NKX3-2: variants seen among roughly 807,000 people sequenced by gnomAD.
NKX3-2 encodes the protein homeobox protein Nkx-3.2.
A neutral mutation model predicts 19.4 loss-of-function variants in NKX3-2; 13 were observed. The observed-to-expected ratio is 0.67, with a 90% CI of 0.44 to 1.07. The LOEUF (loss-of-function observed/expected upper bound fraction) is 1.07. NKX3-2 is among the 50% of genes least tolerant of loss of function. The pLI, the probability that NKX3-2 is intolerant of heterozygous loss-of-function variation, is 0.00. For missense variants in NKX3-2, 562 were observed against 488.2 expected (o/e 1.15, Z -1.42); for synonymous variants, 269 against 230.5 (o/e 1.17, Z -1.51).
chr4:13,546,192 C>T (rs1318348090), upstream of NKX3-2: 2 of 152,236 alleles, frequency 1.3e-5, no homozygotes, highest in Non-Finnish European at 2.9e-5. Flanking sequence ...TTTTTCTGCA[C>T]CGCAGAAGGA....
In NKX3-2 at chr4:13,543,365, C is replaced by T. The variant is rs1424160000; in HGVS notation, c.466+584G>A. On this transcript the variant is annotated intron_variant, in intron 1 of 1. Transcript: ENST00000382438. This position sits in a 1 kb window ranked among gnomAD's most constrained non-coding sequence, Gnocchi z 7.1. ...TCCAGGATGAACTAAAGACCCAATC[C>T]GGGATCTTCGGCCTAGGGCTGCTCT... 6.6e-6 allele frequency among the ~76,000 whole-genome samples: 1 copy of T among 152,158 alleles called. No individual in the cohort carries two copies. Among genetic ancestry groups the T allele is most frequent in the Non-Finnish European group, 1.5e-5 (1 of 68,034 alleles).
upstream of NKX3-2, among the ~76,000 whole-genome samples, chr4:13,545,440 G>T (rs1718112122): frequency 6.6e-6 from 1 of 152,220 alleles, no homozygotes. Context: ...TAAACACGAA[G>T]AACAAAATGC....
rs1165080654 is a variant in NKX3-2 at position 13,544,296 on chromosome 4, G to A, written c.119C>T (p.Ala40Val). 3 of 1,538,492 alleles carry A rather than the reference G, an allele frequency of 1.9e-6. No homozygotes were observed. Among genetic ancestry groups the A allele is most frequent in the Admixed American group, 2.0e-5 (1 of 49,756 alleles). ...PEGRPAPGGT[A>V]ASVAAAPAVC... is the part of the protein sequence containing the mutation. ...AGCGGGAGCCGCGGCCACCGATGCC[G>A]CTGTGCCCCCGGGCGCCGGGCGCCC... The change falls in exon 1 of 2, where the codon GCG becomes GTG. Residue 40 changes from alanine to valine, a missense_variant. Transcript: ENST00000382438.
chr4:13,546,967 C>T (rs1201332910), upstream of NKX3-2: 3 of 456,128 alleles, frequency 6.6e-6, no homozygotes, highest in Non-Finnish European at 1.3e-5. Flanking sequence ...CTTCCGGAGG[C>T]GCACAGCAAG....
At position 13,542,650 on chromosome 4, in the gene NKX3-2, G is replaced by T; in HGVS notation, c.467-122C>A. On this transcript the variant is annotated intron_variant, in intron 1 of 1. Coordinates refer to ENST00000382438, the MANE Select transcript of NKX3-2 (RefSeq NM_001189.4). The surrounding 1 kb of genome is among the most constrained non-coding windows in gnomAD (Gnocchi z 6.4). ...AATACACTTTGATCCCACTCAAGCG[G>T]AGCGGAGGTCTGGGAGGCCCTGGGC... 7.5e-7 allele frequency: 1 copy of T among 1,340,888 alleles called. No homozygotes were observed. The highest frequency in any genetic ancestry group is 1.0e-6 in the Non-Finnish European group (1 of 957,594). The allele number at this position is 1,340,888 out of a possible 1,614,324, so 83.1% of individuals were successfully genotyped here.
At chr4:13,545,770 C>T (rs9993564), upstream of NKX3-2, among the ~76,000 whole-genome samples, 4,462 of 151,428 alleles carry the variant, frequency 0.029, 94 homozygotes, top group African/African-American at 0.055. Flanking sequence ...TTTTAAATAT[C>T]TCTTACTTGT....
upstream of NKX3-2, chr4:13,546,809 T>G (rs895699770): frequency 4.2e-5 from 17 of 405,986 alleles, no homozygotes; most frequent in African/African-American, 3.3e-4. Context: ...ATTCGATGTT[T>G]AAAAAGAATC....
chr4:13,542,309 C>A lies in NKX3-2; in HGVS notation c.686G>T (p.Arg229Leu). Reference protein sequence around the residue: ...FELERRFNHQRYLSGPERADL... With the variant: ...FELERRFNHQLYLSGPERADL... ...TGCGCGCTCGGGCCCGGACAGGTAG[C>A]GCTGGTGGTTAAAGCGGCGCTCCAG... The change falls in exon 2 of 2, where the codon CGC becomes CTC. Residue 229 changes from arginine to leucine, a missense_variant. Physicochemically the swap from Arg to Leu is moderately radical, Grantham distance 102. Transcript: ENST00000382438. This position sits in a 1 kb window ranked among gnomAD's most constrained non-coding sequence, Gnocchi z 6.4. 6.2e-7 allele frequency: 1 copy of A among 1,601,918 alleles called. No homozygotes were observed. Among genetic ancestry groups the A allele is most frequent in the Non-Finnish European group, 8.5e-7 (1 of 1,175,528 alleles).
chr4:13,543,806 C>T lies in NKX3-2; in HGVS notation c.466+143G>A. 2.7e-6 allele frequency: 2 copies of T among 753,872 alleles called. No homozygotes were observed. Among genetic ancestry groups the T allele is most frequent in the African/African-American group, 1.9e-5 (1 of 53,854 alleles). 46.7% of individuals were successfully genotyped at this position (753,872 alleles called of 1,614,324 possible). A position where few individuals can be genotyped will look rare whatever the true frequency, so the allele number is the denominator to read the frequency against. On this transcript the variant is annotated intron_variant, in intron 1 of 1. Coordinates refer to ENST00000382438, the MANE Select transcript of NKX3-2 (RefSeq NM_001189.4). This position sits in a 1 kb window ranked among gnomAD's most constrained non-coding sequence, Gnocchi z 7.1. Reference sequence around the variant, plus strand: ...GTTCCCGAAGTGATAGAGCAGCTCGCGCCAGAGCGCAGAACTTCGGGATTT... The same window carrying T: ...GTTCCCGAAGTGATAGAGCAGCTCGTGCCAGAGCGCAGAACTTCGGGATTT...
At position 13,544,302 on chromosome 4, in the gene NKX3-2, C is replaced by A; in HGVS notation, c.113G>T (p.Gly38Val). 6.5e-7 allele frequency: 1 copy of A among 1,532,026 alleles called. No individual in the cohort carries two copies. Among genetic ancestry groups the A allele is most frequent in the Non-Finnish European group, 8.7e-7 (1 of 1,147,204 alleles). 94.9% of individuals were successfully genotyped at this position (1,532,026 alleles called of 1,614,324 possible). ...AAPEGRPAPG[G>V]TAASVAAAPA... ...AGCCGCGGCCACCGATGCCGCTGTG[C>A]CCCCGGGCGCCGGGCGCCCCTCTGG... Residue 38 changes from glycine to valine, a missense_variant, in exon 1 of 2, where the codon GGC becomes GTC. By Grantham distance (109) the Gly-to-Val change is moderately radical (BLOSUM62 -3). Transcript: ENST00000382438.
Position 13,541,914 on chromosome 4 carries a change from GCAGGCTA to G in NKX3-2, c.*72_*78del. The G allele has an allele frequency of 2.0e-6, 3 of 1,533,052 alleles. No homozygotes were observed. The South Asian group carries it at 3.6e-5, about 19-fold the overall frequency. 95.0% of individuals were successfully genotyped at this position (1,533,052 alleles called of 1,614,324 possible). On this transcript the variant is annotated 3_prime_UTR_variant, in exon 2 of 2. Transcript: ENST00000382438. Reference sequence around the variant, plus strand: ...GTGCCTCCTTGGCGGGGCGCCCCGTGCAGGCTACAGCCTACAGCTGTCAGCGCCGGTC... The same window carrying G: ...GTGCCTCCTTGGCGGGGCGCCCCGTGCAGCCTACAGCTGTCAGCGCCGGTC...
rs1027349897 is a variant in NKX3-2, at chr4:13,541,942, C to A, written c.*51G>T. The A allele has an allele frequency of 6.5e-7, 1 of 1,549,500 alleles. No individual in the cohort carries two copies. ...GGCTACAGCCTACAGCTGTCAGCGCCGGTCCGGAGCCGGAGCGCGGGAATC... is the reference window on the plus strand; with the variant it reads ...GGCTACAGCCTACAGCTGTCAGCGCAGGTCCGGAGCCGGAGCGCGGGAATC... On this transcript the variant is annotated 3_prime_UTR_variant, in exon 2 of 2. Transcript: ENST00000382438.
upstream of NKX3-2, chr4:13,547,367 C>A (rs1386569097): frequency 2.6e-6 from 1 of 379,464 alleles, no homozygotes; most frequent in East Asian, 7.4e-5. Context: ...AACTCTGCAA[C>A]CTCCCGACGG....
At position 13,542,508 on chromosome 4, in the gene NKX3-2, C is replaced by T. The variant is rs761083562; in HGVS notation, c.487G>A (p.Glu163Lys). The change falls in exon 2 of 2, where the codon GAG (glutamate) becomes AAG (lysine). Residue 163 changes from glutamate to lysine, a missense_variant. Physicochemically the swap from Glu to Lys is moderately conservative, Grantham distance 56 (BLOSUM62 1). Transcript: ENST00000382438. The surrounding 1 kb of genome is among the most constrained non-coding windows in gnomAD (Gnocchi z 6.4). ...SVSGDRSPRT[E>K]DDGVGPRGAH... ...CCTCTGGGGCCAACACCGTCGTCCT[C>T]GGTCCTTGGGCTGCGGTCGCCTGCG... is the stretch of plus-strand genomic sequence containing the variant. The T allele has an allele frequency of 3.9e-5, 63 of 1,596,510 alleles. No homozygotes were observed. The highest frequency in any genetic ancestry group is 1.1e-4 in the African/African-American group (8 of 74,820).
rs1274444613 is a variant in NKX3-2 at position 13,543,956 on chromosome 4, G to C, written c.459C>G (p.Ser153Arg). Residue 153 changes from serine to arginine, a missense_variant, in exon 1 of 2, where the codon AGC (serine) becomes AGG (arginine). Coordinates refer to ENST00000382438, the MANE Select transcript of NKX3-2 (RefSeq NM_001189.4). This position sits in a 1 kb window ranked among gnomAD's most constrained non-coding sequence, Gnocchi z 7.1. ...CGCGAAGCCGCAGCAGACCTGAGAC[G>C]CTGGCGGACATCTCGCTGTCGCTCC... Reference protein sequence around the residue: ...AGRSDSEMSASVSGDRSPRTE... With the variant: ...AGRSDSEMSARVSGDRSPRTE... 11 of 1,545,986 alleles carry C rather than the reference G, an allele frequency of 7.1e-6. No homozygotes were observed. Among genetic ancestry groups the C allele is most frequent in the Non-Finnish European group, 9.6e-6 (11 of 1,147,852 alleles).
Position 13,542,501 on chromosome 4 carries a change from T to C in NKX3-2, c.494A>G (p.Asp165Gly), listed in dbSNP as rs1386995403. 4 of 1,596,562 alleles carry C rather than the reference T, an allele frequency of 2.5e-6. No homozygotes were observed. The highest frequency in any genetic ancestry group is 1.7e-5 in the Admixed American group (1 of 59,984). ...SGDRSPRTED[D>G]GVGPRGAHVS... ...GTGTGCACCTCTGGGGCCAACACCG[T>C]CGTCCTCGGTCCTTGGGCTGCGGTC... is the stretch of plus-strand genomic sequence containing the variant. Residue 165 changes from aspartate (D) to glycine (G), a missense_variant, in exon 2 of 2, where the codon GAC becomes GGC. Physicochemically the swap from Asp to Gly is moderately conservative, Grantham distance 94. Coordinates refer to ENST00000382438, the MANE Select transcript of NKX3-2 (RefSeq NM_001189.4). This position sits in a 1 kb window ranked among gnomAD's most constrained non-coding sequence, Gnocchi z 6.4.
In NKX3-2 at chr4:13,542,295, G is replaced by A. The variant is rs746738857; in HGVS notation, c.700C>T (p.Pro234Ser). Residue 234 changes from proline (P) to serine (S), a missense_variant, in exon 2 of 2, where the codon CCC becomes TCC. By Grantham distance (74) the Pro-to-Ser change is moderately conservative (BLOSUM62 -1). Coordinates refer to ENST00000382438, the MANE Select transcript of NKX3-2 (RefSeq NM_001189.4). The surrounding 1 kb of genome is among the most constrained non-coding windows in gnomAD (Gnocchi z 6.4). Reference sequence around the variant, plus strand: ...GACGCGGCCAGGTCTGCGCGCTCGGGCCCGGACAGGTAGCGCTGGTGGTTA... The same window carrying A: ...GACGCGGCCAGGTCTGCGCGCTCGGACCCGGACAGGTAGCGCTGGTGGTTA... ...RFNHQRYLSGPERADLAASLK... is the reference protein window; with the variant it reads ...RFNHQRYLSGSERADLAASLK... The A allele has an allele frequency of 9.3e-6, 15 of 1,607,244 alleles. No individual in the cohort carries two copies. Among genetic ancestry groups the A allele is most frequent in the Middle Eastern group, 1.7e-4 (1 of 6,048 alleles).
chr4:13,547,213 C>G (rs1307363008), upstream of NKX3-2: 1 of 456,258 alleles, frequency 2.2e-6, no homozygotes, highest in Non-Finnish European at 4.4e-6. Flanking sequence ...AGTCCAGGCC[C>G]AGAGTGGCGG....
Position 13,543,223 on chromosome 4 carries a change from T to TCCAG in NKX3-2, c.467-699_467-696dup, listed in dbSNP as rs1718032746. 1.3e-5 allele frequency among the ~76,000 whole-genome samples: 2 copies of TCCAG among 151,922 alleles called. No homozygotes were observed. Among genetic ancestry groups the TCCAG allele is most frequent in the Non-Finnish European group, 2.9e-5 (2 of 67,998 alleles). On this transcript the variant is annotated intron_variant, in intron 1 of 1. Coordinates refer to ENST00000382438, the MANE Select transcript of NKX3-2 (RefSeq NM_001189.4). The surrounding 1 kb of genome is among the most constrained non-coding windows in gnomAD (Gnocchi z 7.1). ...CTTCCGAAGAACTCCAGCAGAAAGG[T>TCCAG]CCAGCGGTCCCCTGTGCTTGAGGCC...
Sources: allele counts gnomAD v4.1 joint callset (sites outside exome capture counted in the v4.1 genomes callset), GRCh38; gene constraint gnomAD v4.1.1; non-coding constraint Gnocchi (gnomAD v3.1); transcripts MANE v1.5; gene names NCBI Gene and HGNC (gene_info 2026-07-23, HGNC 2026-07-21).